Variants in SNTG1 observed in about 807,000 individuals in gnomAD.
SNTG1 encodes gamma-1-syntrophin.
In SNTG1, 39 loss-of-function variants were observed where a neutral mutation model predicts 74.7. The observed-to-expected ratio is 0.52, with a 90% CI of 0.40 to 0.68. The LOEUF (loss-of-function observed/expected upper bound fraction) is 0.68, where lower values mean the gene tolerates loss of function less well. Ranked by LOEUF, SNTG1 falls within the 30% of genes least tolerant of loss-of-function variation. SNTG1 has a pLI of 0.00. For missense variants in SNTG1, 685 were observed against 609.5 expected (o/e 1.12, Z -1.30); for synonymous variants, 254 against 217.1 (o/e 1.17, Z -1.49).
intron 2 of SNTG1, among the ~76,000 whole-genome samples, chr8:50,202,801 T>G (rs1044833986): frequency 7.9e-5 from 12 of 152,036 alleles, no homozygotes; most frequent in Admixed American, 3.3e-4. Context: ...TTTTGTTTTT[T>G]TTTTTTTACA....
intron 2 of SNTG1, among the ~76,000 whole-genome samples, chr8:50,368,621 G>T (rs1373893664): frequency 1.3e-5 from 2 of 152,064 alleles, no homozygotes; most frequent in African/African-American, 4.8e-5. Flanking sequence ...AACTGAAGAG[G>T]ATAGGGGGAG....
chr8:49,937,806 T>C (rs1355297988), intron 1 of SNTG1, among the ~76,000 whole-genome samples: 3 of 152,242 alleles, frequency 2.0e-5, no homozygotes, highest in African/African-American at 7.2e-5. Flanking sequence ...TTAGAGTTAT[T>C]CAGCTGTCTT....
At chr8:50,096,755 C>G (rs982349688) in intron 1 of SNTG1, among the ~76,000 whole-genome samples, 1 of 152,044 alleles carries the variant, frequency 6.6e-6, no homozygotes, top group Non-Finnish European at 1.5e-5. Context: ...TTTAGAACAG[C>G]TCACAAAAAT....
chr8:50,188,464 A>G (rs890028342), intron 2 of SNTG1, among the ~76,000 whole-genome samples: 1 of 152,130 alleles, frequency 6.6e-6, no homozygotes, highest in Non-Finnish European at 1.5e-5. Context: ...CAGTACGTGC[A>G]CATCATTCAG....
rs556290730 is a variant in SNTG1, at chr8:50,146,901, C to T, written c.-102-25660C>T. ...TGTTGAGTTTTAAGATTTTTTTATA[C>T]ATTCTGGATATAAATTCTTTATCAC... On this transcript the variant is annotated intron_variant, in intron 1 of 18. Coordinates refer to ENST00000642720, the MANE Select transcript of SNTG1 (RefSeq NM_018967.5). Among the ~76,000 whole-genome samples the T allele has an allele frequency of 3.3e-5, 5 of 151,716 alleles. No individual in the cohort carries two copies. In the South Asian group the frequency reaches 8.3e-4, roughly 25 times the overall value.
intron 1 of SNTG1, among the ~76,000 whole-genome samples, chr8:50,125,462 A>C (rs2081109013): frequency 7.0e-6 from 1 of 142,314 alleles, no homozygotes; most frequent in African/African-American, 2.5e-5. Context: ...TTCTTTATTT[A>C]TGAGTGTGTC....
At chr8:49,947,961 T>G (rs945130494) in intron 1 of SNTG1, among the ~76,000 whole-genome samples, 1 of 151,966 alleles carries the variant, frequency 6.6e-6, no homozygotes. Flanking sequence ...TGAAACCCCC[T>G]CTCTACTAAA....
At chr8:50,463,269 A>T (rs1295419136) in intron 8 of SNTG1, among the ~76,000 whole-genome samples, 2 of 152,134 alleles carry the variant, frequency 1.3e-5, no homozygotes, top group Non-Finnish European at 2.9e-5. Context: ...TCACCCATAA[A>T]ACAGAAATGT....
chr8:50,336,327 C>T (rs2091140845), intron 2 of SNTG1, among the ~76,000 whole-genome samples: 1 of 152,196 alleles, frequency 6.6e-6, no homozygotes, highest in South Asian at 2.1e-4. Flanking sequence ...TTTCTCTCAA[C>T]ATCTAGTCAA....
chr8:50,745,793 T>C (rs2131678773), intron 17 of SNTG1, among the ~76,000 whole-genome samples: 1 of 152,080 alleles, frequency 6.6e-6, no homozygotes. Flanking sequence ...GTTTTATGAT[T>C]CCCCTTAAAT....
chr8:50,633,066 G>T (rs889576607), intron 13 of SNTG1, among the ~76,000 whole-genome samples: 9 of 152,176 alleles, frequency 5.9e-5, no homozygotes. Flanking sequence ...TCATTAATTG[G>T]ATTTGAGAGC....
intron 18 of SNTG1, among the ~76,000 whole-genome samples, chr8:50,786,515 G>A (rs1301416059): frequency 6.6e-6 from 1 of 151,790 alleles, no homozygotes; most frequent in Non-Finnish European, 1.5e-5. Flanking sequence ...AGTTGATCCT[G>A]AATGTATATG....
chr8:50,060,691 G>A (rs995576848), intron 1 of SNTG1, among the ~76,000 whole-genome samples: 2 of 151,844 alleles, frequency 1.3e-5, no homozygotes, highest in African/African-American at 4.8e-5. Flanking sequence ...AACACCTACA[G>A]CTTTTTAAAA....
intron 1 of SNTG1, among the ~76,000 whole-genome samples, chr8:49,937,683 T>G (rs959053855): frequency 6.6e-6 from 1 of 152,124 alleles, no homozygotes; most frequent in African/African-American, 2.4e-5. Context: ...AACAAATGAT[T>G]AGGCTTTTTT....
chr8:50,071,166 G>A (rs145262358), intron 1 of SNTG1, among the ~76,000 whole-genome samples: 1 of 152,300 alleles, frequency 6.6e-6, no homozygotes, highest in East Asian at 1.9e-4. Context: ...AAAAGAATCT[G>A]TGGACCTCAT....
At chr8:50,091,593 G>A (rs2079740311) in intron 1 of SNTG1, among the ~76,000 whole-genome samples, 1 of 152,032 alleles carries the variant, frequency 6.6e-6, no homozygotes, top group South Asian at 2.1e-4. Context: ...AGGTTCATCT[G>A]TGTTGTCTAA....
chr8:50,208,390 T>C (rs2084346866), intron 2 of SNTG1, among the ~76,000 whole-genome samples: 1 of 152,144 alleles, frequency 6.6e-6, no homozygotes, highest in African/African-American at 2.4e-5. Flanking sequence ...AACCCTTGCT[T>C]TTTTTTGTTT....
At chr8:50,450,654 GC>G in intron 7 of SNTG1, 33 bp from the exon 8 acceptor site, 1 of 1,613,316 alleles carries the variant, frequency 6.2e-7, no homozygotes, top group Non-Finnish European at 8.5e-7. Flanking sequence ...TTTACAATAT[GC>G]CATGGGAAAC....
At chr8:50,790,937 TG>T (rs1282219719) in intron 18 of SNTG1, among the ~76,000 whole-genome samples, 1 of 151,960 alleles carries the variant, frequency 6.6e-6, no homozygotes, top group African/African-American at 2.4e-5. Context: ...AAAAGTTATT[TG>T]CCATACTATT....
Sources: gnomAD v4.1 joint callset for allele counts (sites outside exome capture counted in the v4.1 genomes callset) on GRCh38, gnomAD v4.1.1 for gene constraint, MANE v1.5 for transcripts, NCBI Gene and HGNC (gene_info 2026-07-23, HGNC 2026-07-21) for gene names.